The following PCDHA13 variants were observed in gnomAD, a reference collection of about 807,000 sequenced individuals.
The protein encoded by PCDHA13 is protocadherin alpha 13, also known as protocadherin alpha-13.
Under a neutral mutation model 64.8 loss-of-function variants are expected in PCDHA13, and 54 were observed. The observed-to-expected ratio is 0.83, with a 90% CI of 0.67 to 1.04. The LOEUF is 1.04. PCDHA13 is among the 50% of genes least tolerant of loss of function. PCDHA13 has a pLI of 0.00. For missense variants in PCDHA13, 1,248 were observed against 1,254.3 expected (o/e 0.99, Z 0.08); for synonymous variants, 587 against 564.4 (o/e 1.04, Z -0.57).
intron 3 of PCDHA13, among the ~76,000 whole-genome samples, chr5:140,989,861 C>G (rs1449611550): frequency 6.6e-6 from 1 of 152,042 alleles, no homozygotes; most frequent in Non-Finnish European, 1.5e-5. Context: ...GGAGAGGAAT[C>G]TTTCTCTGCC....
intron 1 of PCDHA13, among the ~76,000 whole-genome samples, chr5:140,901,030 C>G (rs1382384435): frequency 6.6e-6 from 1 of 152,116 alleles, no homozygotes; most frequent in Admixed American, 6.5e-5. Context: ...CTATTCAACT[C>G]TTTTGCCCAT....
chr5:140,960,792 C>T (rs2095571018), intron 1 of PCDHA13, among the ~76,000 whole-genome samples: 1 of 151,986 alleles, frequency 6.6e-6, no homozygotes, highest in South Asian at 2.1e-4. Context: ...AACAAGGTTT[C>T]TATTAAAATA....
chr5:140,986,826 A>G (rs902801115), intron 3 of PCDHA13, among the ~76,000 whole-genome samples: 1 of 152,178 alleles, frequency 6.6e-6, no homozygotes, highest in Non-Finnish European at 1.5e-5. Flanking sequence ...GGTTTAGACA[A>G]TGGTTCTCAA....
In PCDHA13 at chr5:140,882,450, C is replaced by T. The variant is rs781827745; in HGVS notation, c.182C>T (p.Pro61Leu). The T allele has an allele frequency of 1.2e-6, 2 of 1,613,990 alleles. No individual in the cohort carries two copies. The highest frequency in any genetic ancestry group is 1.7e-6 in the Non-Finnish European group (2 of 1,180,046). ...DLGLELAELV[P>L]RLFRVASKRH... ...GGGCTGGAGCTGGCGGAGCTGGTGCCGCGCCTGTTCCGGGTGGCGTCCAAA... is the reference window on the plus strand; with the variant it reads ...GGGCTGGAGCTGGCGGAGCTGGTGCTGCGCCTGTTCCGGGTGGCGTCCAAA... Residue 61 changes from proline (P) to leucine (L), a missense_variant, in exon 1 of 4, where the codon CCG (proline) becomes CTG (leucine). Pro to Leu is a moderately conservative substitution (Grantham distance 98). Transcript: ENST00000289272.
intron 1 of PCDHA13, among the ~76,000 whole-genome samples, chr5:140,894,646 C>A (rs1481747888): frequency 2.0e-5 from 3 of 151,766 alleles, no homozygotes; most frequent in African/African-American, 7.3e-5. Flanking sequence ...ATTACTGAGT[C>A]TCTCTAATTC....
At chr5:140,936,987 T>C (rs996790487) in intron 1 of PCDHA13, among the ~76,000 whole-genome samples, 1 of 152,170 alleles carries the variant, frequency 6.6e-6, no homozygotes, top group Non-Finnish European at 1.5e-5. Context: ...CTTGTTAACA[T>C]TGACAATATT....
intron 1 of PCDHA13, among the ~76,000 whole-genome samples, chr5:140,975,537 C>T (rs1554236874): frequency 6.6e-6 from 1 of 152,166 alleles, no homozygotes; most frequent in African/African-American, 2.4e-5. Context: ...ATTCTTAATA[C>T]AGTCCTATTA....
At position 140,882,178 on chromosome 5, in the gene PCDHA13, C is replaced by A. The variant is rs2058992068; in HGVS notation, c.-91C>A. On this transcript the variant is annotated 5_prime_UTR_variant, in exon 1 of 4. Coordinates refer to ENST00000289272, the MANE Select transcript of PCDHA13 (RefSeq NM_018904.3). ...AATACCTCTTGCGAATCCTTCCGCACTAGGAAGCCATAAAAATTGGGCCTT... is the reference window on the plus strand; with the variant it reads ...AATACCTCTTGCGAATCCTTCCGCAATAGGAAGCCATAAAAATTGGGCCTT... The A allele has an allele frequency of 6.6e-7, 1 of 1,517,822 alleles. No individual in the cohort carries two copies. Among genetic ancestry groups the A allele is most frequent in the Non-Finnish European group, 8.8e-7 (1 of 1,133,764 alleles). The allele number at this position is 1,517,822 out of a possible 1,614,324, so 94.0% of individuals were successfully genotyped here. A position where few individuals can be genotyped will look rare whatever the true frequency, so the allele number is the denominator to read the frequency against.
chr5:140,946,142 CAAAT>C (rs1214309556), intron 1 of PCDHA13, among the ~76,000 whole-genome samples: 1 of 151,910 alleles, frequency 6.6e-6, no homozygotes, highest in Non-Finnish European at 1.5e-5. Context: ...AGTAAGAAAA[CAAAT>C]AACACGATTT....
chr5:141,000,389 C>CTATATA (rs2097911342), intron 3 of PCDHA13, among the ~76,000 whole-genome samples: 2 of 62,586 alleles, frequency 3.2e-5, no homozygotes, highest in African/African-American at 7.0e-5. Flanking sequence ...CTCTCTCTCT[C>CTATATA]TCTCTCTATA....
At chr5:140,927,118 G>C in intron 1 of PCDHA13, 1 of 1,613,946 alleles carries the variant, frequency 6.2e-7, no homozygotes, top group Non-Finnish European at 8.5e-7. Context: ...CGGCAATTTG[G>C]TGGTCAGAGA....
At chr5:140,960,743 G>A (rs1328860955) in intron 1 of PCDHA13, among the ~76,000 whole-genome samples, 3 of 151,482 alleles carry the variant, frequency 2.0e-5, no homozygotes, top group Non-Finnish European at 4.4e-5. Flanking sequence ...TTTAGTCCAT[G>A]GCTAAAATCC....
intron 1 of PCDHA13, chr5:140,968,051 C>T (rs1353005851): frequency 1.2e-6 from 2 of 1,614,018 alleles, no homozygotes; most frequent in African/African-American, 1.3e-5. Flanking sequence ...CCCACTGGAC[C>T]GAGAGCGGGT....
chr5:140,911,075 A>G (rs1554194593), intron 1 of PCDHA13, among the ~76,000 whole-genome samples: 1 of 152,076 alleles, frequency 6.6e-6, no homozygotes, highest in Admixed American at 6.6e-5. Context: ...GAGGAGAATC[A>G]ACATTATCTT....
chr5:140,961,236 T>C (rs246004), intron 1 of PCDHA13, among the ~76,000 whole-genome samples: 47,773 of 152,034 alleles, frequency 0.31, 7,861 homozygotes, highest in East Asian at 0.53. Context: ...AAAAAGGTGA[T>C]GGAATTTATC....
At chr5:140,915,781 A>C (rs2153536351) in intron 1 of PCDHA13, among the ~76,000 whole-genome samples, 1 of 152,104 alleles carries the variant, frequency 6.6e-6, no homozygotes, top group South Asian at 2.1e-4. Flanking sequence ...GGCCTGCTGT[A>C]ACCACTACCT....
chr5:140,915,863 A>C (rs1424465325), intron 1 of PCDHA13, among the ~76,000 whole-genome samples: 1 of 152,172 alleles, frequency 6.6e-6, no homozygotes, highest in Non-Finnish European at 1.5e-5. Context: ...CCAAGTTTGC[A>C]TCCTTCCCTT....
chr5:140,983,039 A>C (rs1554245052), intron 3 of PCDHA13, among the ~76,000 whole-genome samples: 1 of 152,036 alleles, frequency 6.6e-6, no homozygotes, highest in Non-Finnish European at 1.5e-5. Flanking sequence ...TTTCTCATGG[A>C]AGTGGAAAAT....
chr5:140,925,570 A>G (rs531387558), intron 1 of PCDHA13, among the ~76,000 whole-genome samples: 1 of 152,008 alleles, frequency 6.6e-6, no homozygotes, highest in African/African-American at 2.4e-5. Flanking sequence ...TGGGTGCAGC[A>G]CACCAACATG....
Sources: gnomAD v4.1 joint callset for allele counts (sites outside exome capture counted in the v4.1 genomes callset) on GRCh38, gnomAD v4.1.1 for gene constraint, MANE v1.5 for transcripts, NCBI Gene and HGNC (gene_info 2026-07-23, HGNC 2026-07-21) for gene names.